NCKAP5: variants seen among roughly 807,000 people sequenced by gnomAD.
NCKAP5 encodes nck-associated protein 5.
In NCKAP5, 92 loss-of-function variants were observed where a neutral mutation model predicts 167.0. That is an observed-to-expected ratio of 0.55 (90% CI 0.47 to 0.66). NCKAP5 has a LOEUF of 0.66. NCKAP5 is among the 30% of genes least tolerant of loss of function. The pLI, the probability that NCKAP5 is intolerant of heterozygous loss-of-function variation, is 0.00. For synonymous variants in NCKAP5, 891 were observed against 877.4 expected (o/e 1.02, Z -0.27); for missense variants, 2,378 against 2,315.0 (o/e 1.03, Z -0.56).
chr2:133,285,596 T>C (rs536948303), intron 4 of NCKAP5, among the ~76,000 whole-genome samples: 18 of 152,228 alleles, frequency 1.2e-4, no homozygotes, highest in Non-Finnish European at 2.4e-4. Context: ...ATAAATGATC[T>C]GAAACCCTTA....
chr2:133,221,769 G>A (rs979932929), intron 4 of NCKAP5, among the ~76,000 whole-genome samples: 1 of 152,094 alleles, frequency 6.6e-6, no homozygotes, highest in African/African-American at 2.4e-5. Flanking sequence ...AGACTTTTCA[G>A]CAACAAATTA....
intron 8 of NCKAP5, among the ~76,000 whole-genome samples, chr2:132,949,954 C>A (rs1431973138): frequency 6.6e-6 from 1 of 152,078 alleles, no homozygotes; most frequent in Non-Finnish European, 1.5e-5. Flanking sequence ...ATTAGCCAGG[C>A]ATAGTGGTGG....
At chr2:132,923,217 C>T (rs1317558035) in intron 8 of NCKAP5, among the ~76,000 whole-genome samples, 3 of 152,330 alleles carry the variant, frequency 2.0e-5, no homozygotes, top group Non-Finnish European at 2.9e-5. Flanking sequence ...TCCATCACTG[C>T]TGTTGCTGAG....
At chr2:133,218,934 A>G (rs756130599) in intron 4 of NCKAP5, among the ~76,000 whole-genome samples, 62 of 152,230 alleles carry the variant, frequency 4.1e-4, no homozygotes, top group Non-Finnish European at 5.9e-5. Context: ...GTTTTTAAAA[A>G]GGAAAATACT....
At chr2:132,679,909 G>A (rs762495143) in intron 19 of NCKAP5, among the ~76,000 whole-genome samples, 4 of 152,086 alleles carry the variant, frequency 2.6e-5, no homozygotes, top group Admixed American at 1.3e-4. Context: ...TGCTATTTGC[G>A]AAGGGCAGGC....
chr2:132,746,320 C>T (rs1359382405), intron 16 of NCKAP5, among the ~76,000 whole-genome samples: 1 of 151,992 alleles, frequency 6.6e-6, no homozygotes. Flanking sequence ...AGTGTTTCAA[C>T]AAAAGGTATT....
intron 5 of NCKAP5, among the ~76,000 whole-genome samples, chr2:133,188,068 T>C (rs1407511708): frequency 2.0e-5 from 3 of 152,120 alleles, no homozygotes; most frequent in African/African-American, 7.2e-5. Context: ...CTTCCTGGCA[T>C]CGATGGTCTT....
chr2:133,547,732 C>T (rs1379373074), intron 2 of NCKAP5, among the ~76,000 whole-genome samples: 1 of 149,184 alleles, frequency 6.7e-6, no homozygotes, highest in Non-Finnish European at 1.5e-5. Context: ...ATCTGTACAT[C>T]ACCATCATCA....
intron 16 of NCKAP5, among the ~76,000 whole-genome samples, chr2:132,741,315 A>C (rs572081171): frequency 1.1e-4 from 17 of 152,204 alleles, no homozygotes; most frequent in Admixed American, 4.6e-4. Context: ...AAAATCTTGA[A>C]GTCTTCACAT....
chr2:132,961,932 A>G (rs191066668), intron 8 of NCKAP5, among the ~76,000 whole-genome samples: 15 of 152,324 alleles, frequency 9.8e-5, no homozygotes, highest in African/African-American at 3.6e-4. Flanking sequence ...TCAAATAGGA[A>G]CCTCAGTTTC....
At chr2:133,615,337 T>C in the NCKAP5 span, among the ~76,000 whole-genome samples, 1 of 151,328 alleles carries the variant, frequency 6.6e-6, no homozygotes, top group Non-Finnish European at 1.5e-5. Context: ...ATGCTCCAAT[T>C]AAAAGACACA....
chr2:133,593,308 G>C, the NCKAP5 span, among the ~76,000 whole-genome samples: 1 of 151,148 alleles, frequency 6.6e-6, no homozygotes, highest in Admixed American at 6.6e-5. Context: ...AAAGGAAGAA[G>C]ATACCCAATT....
At chr2:133,459,000 T>C (rs752123082) in intron 3 of NCKAP5, among the ~76,000 whole-genome samples, 10 of 152,184 alleles carry the variant, frequency 6.6e-5, no homozygotes, top group Non-Finnish European at 1.2e-4. Flanking sequence ...AATCTAAATA[T>C]GCATCTAGTC....
At chr2:133,483,984 A>C (rs1680689069) in intron 3 of NCKAP5, among the ~76,000 whole-genome samples, 1 of 152,124 alleles carries the variant, frequency 6.6e-6, no homozygotes, top group Admixed American at 6.5e-5. Flanking sequence ...TTATTCTATT[A>C]ATTTCCTTTG....
At chr2:133,563,993 G>A (rs1373656327) in intron 1 of NCKAP5, among the ~76,000 whole-genome samples, 1 of 152,156 alleles carries the variant, frequency 6.6e-6, no homozygotes, top group African/African-American at 2.4e-5. Context: ...AATTATCTGG[G>A]TGTGGTGGCA....
the NCKAP5 span, among the ~76,000 whole-genome samples, chr2:133,647,050 T>C: frequency 2.0e-5 from 3 of 151,474 alleles, no homozygotes; most frequent in Non-Finnish European, 4.4e-5. Flanking sequence ...CAAAAGAAGA[T>C]AGCAAGAGAA....
intron 8 of NCKAP5, among the ~76,000 whole-genome samples, chr2:132,895,209 T>C (rs1257869691): frequency 1.3e-5 from 2 of 151,814 alleles, no homozygotes; most frequent in Non-Finnish European, 2.9e-5. Context: ...CGGGCGCCTG[T>C]AGTCCCAGCT....
At chr2:133,312,116 G>C (rs1233827866) in intron 3 of NCKAP5, among the ~76,000 whole-genome samples, 1 of 152,216 alleles carries the variant, frequency 6.6e-6, no homozygotes, top group Non-Finnish European at 1.5e-5. Flanking sequence ...AAGAAAGCAT[G>C]ATGACTAGCA....
chr2:132,900,779 G>C (rs1349956375), intron 8 of NCKAP5, among the ~76,000 whole-genome samples: 3 of 151,872 alleles, frequency 2.0e-5, no homozygotes, highest in African/African-American at 7.2e-5. Context: ...TGGCCAACAT[G>C]TGAAACCTCC....
Sources: allele counts gnomAD v4.1 joint callset (sites outside exome capture counted in the v4.1 genomes callset), GRCh38; gene constraint gnomAD v4.1.1; transcripts MANE v1.5; gene names NCBI Gene and HGNC (gene_info 2026-07-23, HGNC 2026-07-21).